The following PDE7B variants were observed in gnomAD, a reference collection of about 807,000 sequenced individuals.
The protein encoded by PDE7B is phosphodiesterase 7B.
In PDE7B, 29 loss-of-function variants were observed where a neutral mutation model predicts 56.2. The observed-to-expected ratio is 0.52, with a 90% CI of 0.38 to 0.70. The LOEUF is 0.70. Among genes scored for constraint, PDE7B ranks in the 30% least tolerant of loss-of-function variants. The pLI is 0.00. For synonymous variants in PDE7B, 197 were observed against 196.9 expected (o/e 1.00, Z 0.00); for missense variants, 490 against 565.0 (o/e 0.87, Z 1.35).
chr6:136,168,486 A>G (rs961056508), intron 8 of PDE7B, among the ~76,000 whole-genome samples: 1 of 152,152 alleles, frequency 6.6e-6, no homozygotes, highest in South Asian at 2.1e-4. Flanking sequence ...CTGGCATATT[A>G]GTGGGTGATT....
intron 1 of PDE7B, among the ~76,000 whole-genome samples, chr6:135,922,706 A>G (rs756095821): frequency 3.9e-4 from 60 of 152,328 alleles, no homozygotes; most frequent in Non-Finnish European, 7.6e-4. Context: ...AAAATCAATC[A>G]CACATGGAGA....
intron 1 of PDE7B, among the ~76,000 whole-genome samples, chr6:135,882,239 AC>A (rs1466966902): frequency 1.3e-5 from 2 of 152,080 alleles, no homozygotes; most frequent in African/African-American, 2.4e-5. Context: ...ATGTGGTGTG[AC>A]CCCCGCTGAG....
intron 2 of PDE7B, among the ~76,000 whole-genome samples, chr6:136,004,349 C>T (rs1386609015): frequency 6.6e-6 from 1 of 151,988 alleles, no homozygotes; most frequent in Admixed American, 6.6e-5. Context: ...GAAGTTCTGG[C>T]CAGGGCAATT....
intron 2 of PDE7B, among the ~76,000 whole-genome samples, chr6:136,007,655 A>G (rs1356265698): frequency 1.4e-5 from 2 of 140,370 alleles, no homozygotes; most frequent in African/African-American, 5.4e-5. Context: ...TTCTTGGTGA[A>G]AAAAAAAAAA....
At chr6:136,074,584 C>T (rs1351380653) in intron 2 of PDE7B, among the ~76,000 whole-genome samples, 1 of 152,134 alleles carries the variant, frequency 6.6e-6, no homozygotes, top group Non-Finnish European at 1.5e-5. Context: ...TCCCACTACA[C>T]TTCCCAGCAT....
chr6:135,924,996 G>GTTTT (rs5880270), intron 1 of PDE7B, among the ~76,000 whole-genome samples: 2 of 133,818 alleles, frequency 1.5e-5, no homozygotes, highest in African/African-American at 5.4e-5. Context: ...ATATTTGGGT[G>GTTTT]TTTTTTTTTT....
intron 2 of PDE7B, among the ~76,000 whole-genome samples, chr6:135,958,620 C>T (rs1774842387): frequency 6.6e-6 from 1 of 151,958 alleles, no homozygotes; most frequent in African/African-American, 2.4e-5. Flanking sequence ...AGACAAATTA[C>T]GTGTATTACA....
chr6:135,882,731 C>T (rs148189203), intron 1 of PDE7B, among the ~76,000 whole-genome samples: 14 of 152,256 alleles, frequency 9.2e-5, no homozygotes, highest in African/African-American at 3.1e-4. Flanking sequence ...AGGCTCCTTA[C>T]CACACTTGAC....
intron 2 of PDE7B, among the ~76,000 whole-genome samples, chr6:136,016,326 T>G (rs1279669421): frequency 6.6e-6 from 1 of 152,206 alleles, no homozygotes; most frequent in Non-Finnish European, 1.5e-5. Context: ...TTCTTTTCTA[T>G]GGCATTTGAA....
chr6:136,124,735 T>A (rs1357695588), intron 3 of PDE7B, among the ~76,000 whole-genome samples: 6 of 152,246 alleles, frequency 3.9e-5, no homozygotes, highest in African/African-American at 1.4e-4. Flanking sequence ...TTGACAGATA[T>A]TTGTTGAATT....
intron 2 of PDE7B, among the ~76,000 whole-genome samples, chr6:136,063,618 G>A (rs1406862959): frequency 5.3e-5 from 8 of 152,242 alleles, no homozygotes; most frequent in East Asian, 1.9e-4. Flanking sequence ...AAATCTTCCC[G>A]TGGCTCCCAG....
intron 1 of PDE7B, among the ~76,000 whole-genome samples, chr6:135,923,147 G>T (rs531741071): frequency 6.6e-6 from 1 of 152,134 alleles, no homozygotes; most frequent in African/African-American, 2.4e-5. Flanking sequence ...TAGCCAACAC[G>T]ATCTATGTAG....
chr6:136,146,567 T>C (rs1249695274), intron 3 of PDE7B, among the ~76,000 whole-genome samples: 3 of 152,226 alleles, frequency 2.0e-5, no homozygotes, highest in Admixed American at 2.0e-4. Context: ...TTGCCAATTA[T>C]GTTCCTGGAA....
intron 11 of PDE7B, among the ~76,000 whole-genome samples, chr6:136,185,350 C>T (rs752436204): frequency 5.6e-4 from 85 of 152,162 alleles, no homozygotes; most frequent in Non-Finnish European, 1.1e-3. Context: ...CCCCACTTTA[C>T]TAGTGGTGTG....
intron 2 of PDE7B, among the ~76,000 whole-genome samples, chr6:136,000,243 C>CTTAAGT (rs918119175): frequency 2.0e-5 from 3 of 152,168 alleles, no homozygotes; most frequent in African/African-American, 7.2e-5. Context: ...TGATGAAGCT[C>CTTAAGT]TTAAGTTTAA....
chr6:136,079,503 A>G (rs1777173457), intron 2 of PDE7B, among the ~76,000 whole-genome samples: 6 of 152,170 alleles, frequency 3.9e-5, no homozygotes, highest in Admixed American at 2.0e-4. Context: ...GTATTAGACA[A>G]TACAGAATGG....
At chr6:136,040,448 C>T (rs1166809820) in intron 2 of PDE7B, among the ~76,000 whole-genome samples, 4 of 152,208 alleles carry the variant, frequency 2.6e-5, no homozygotes, top group Non-Finnish European at 4.4e-5. Context: ...CTCTTACCTT[C>T]TTCCTTACTC....
chr6:136,030,411 A>G (rs897304772), intron 2 of PDE7B, among the ~76,000 whole-genome samples: 2 of 152,204 alleles, frequency 1.3e-5, no homozygotes, highest in Admixed American at 1.3e-4. Flanking sequence ...AATGCAGCCT[A>G]TTGCAAAGTT....
At chr6:136,072,252 C>T (rs537397323) in intron 2 of PDE7B, among the ~76,000 whole-genome samples, 3 of 152,182 alleles carry the variant, frequency 2.0e-5, no homozygotes, top group South Asian at 4.1e-4. Context: ...AAAGACAAAT[C>T]GAAATTGTCC....
Sources: gnomAD v4.1 joint callset for allele counts (sites outside exome capture counted in the v4.1 genomes callset) on GRCh38, gnomAD v4.1.1 for gene constraint, MANE v1.5 for transcripts, NCBI Gene and HGNC (gene_info 2026-07-23, HGNC 2026-07-21) for gene names.